The following FBXL13 variants were observed in gnomAD, a reference collection of about 807,000 sequenced individuals.
The protein encoded by FBXL13 is F-box and leucine-rich repeat protein 13.
A neutral mutation model predicts 83.6 loss-of-function variants in FBXL13; 67 were observed. The observed-to-expected ratio is 0.80, with a 90% confidence interval of 0.66 to 0.98. The LOEUF (loss-of-function observed/expected upper bound fraction) is 0.98, where lower values mean the gene tolerates loss of function less well. Among genes scored for constraint, FBXL13 ranks in the 50% least tolerant of loss-of-function variants. FBXL13 has a pLI of 0.00. For synonymous variants in FBXL13, 272 were observed against 299.5 expected, an observed-to-expected ratio of 0.91 and a Z score of 0.95; for missense variants, 822 against 866.5, an observed-to-expected ratio of 0.95 and a Z score of 0.64.
chr7:103,036,398 G>A (rs1795071048), intron 2 of FBXL13, among the ~76,000 whole-genome samples: 1 of 152,042 alleles, frequency 6.6e-6, no homozygotes, highest in South Asian at 2.1e-4. Context: ...GCAAAAAGAA[G>A]CCATGTCTTT....
At chr7:102,934,749 T>A in intron 8 of FBXL13, 3 of 1,344,396 alleles carry the variant, frequency 2.2e-6, no homozygotes, top group Non-Finnish European at 3.1e-6. Flanking sequence ...AATCTTATAA[T>A]CCTCCCTACA....
At chr7:102,945,903 T>A (rs929695958) in intron 8 of FBXL13, among the ~76,000 whole-genome samples, 10 of 152,040 alleles carry the variant, frequency 6.6e-5, no homozygotes, top group Non-Finnish European at 1.2e-4. Context: ...TTTTCTGAGA[T>A]AAGAGTCTTG....
intron 6 of FBXL13, chr7:102,973,717 T>C (rs754784647): frequency 3.5e-5 from 27 of 766,360 alleles, no homozygotes; most frequent in Non-Finnish European, 6.0e-5. Flanking sequence ...AGGAAGCTCC[T>C]CAGCCTCCAG....
At chr7:102,917,593 T>C (rs1816157301) in intron 10 of FBXL13, among the ~76,000 whole-genome samples, 1 of 152,180 alleles carries the variant, frequency 6.6e-6, no homozygotes, top group African/African-American at 2.4e-5. Context: ...ATGTGAAGCA[T>C]GCAGCAATCA....
intron 6 of FBXL13, among the ~76,000 whole-genome samples, chr7:103,023,483 C>T (rs751300327): frequency 9.9e-5 from 15 of 152,116 alleles, no homozygotes; most frequent in Admixed American, 2.0e-4. Context: ...CAGATACTGG[C>T]AAGGTTACAG....
At chr7:102,902,431 G>A (rs775110625) in intron 11 of FBXL13, among the ~76,000 whole-genome samples, 19 of 151,932 alleles carry the variant, frequency 1.3e-4, no homozygotes, top group Non-Finnish European at 2.2e-4. Flanking sequence ...GAAGCTTTTC[G>A]ACTTCATGTG....
chr7:102,995,630 T>C (rs1161423061), intron 6 of FBXL13, among the ~76,000 whole-genome samples: 1 of 148,698 alleles, frequency 6.7e-6, no homozygotes, highest in East Asian at 2.0e-4. Context: ...CTACTAAGAA[T>C]ACAAAAATTA....
At chr7:103,053,556 T>C (rs150626702) in intron 2 of FBXL13, among the ~76,000 whole-genome samples, 2 of 152,302 alleles carry the variant, frequency 1.3e-5, no homozygotes, top group East Asian at 3.9e-4. Flanking sequence ...GACAATAGGG[T>C]TTACCACGCT....
At chr7:102,944,799 C>A in intron 8 of FBXL13, 1 of 529,114 alleles carries the variant, frequency 1.9e-6, no homozygotes, top group Non-Finnish European at 3.2e-6. Flanking sequence ...CTTGCCTGTC[C>A]ATTTGTGGAA....
chr7:102,855,831 G>GTT (rs562482295), intron 16 of FBXL13, among the ~76,000 whole-genome samples: 1 of 148,080 alleles, frequency 6.8e-6, no homozygotes, highest in African/African-American at 2.5e-5. Flanking sequence ...ATTATATCTT[G>GTT]TTTTTTTTGT....
At chr7:103,002,529 T>G (rs1004841167) in intron 6 of FBXL13, among the ~76,000 whole-genome samples, 21 of 152,256 alleles carry the variant, frequency 1.4e-4, no homozygotes, top group African/African-American at 5.1e-4. Flanking sequence ...GTTTTCTTTT[T>G]GCACATTAGT....
intron 17 of FBXL13, among the ~76,000 whole-genome samples, chr7:102,834,093 A>G (rs1475801866): frequency 0.021 from 1,816 of 85,808 alleles, 41 homozygotes; most frequent in African/African-American, 0.038. Context: ...AAGAAAAGAA[A>G]GAAAGAAAGA....
At chr7:102,933,708 T>C (rs1157625981) in intron 8 of FBXL13, 1 of 442,274 alleles carries the variant, frequency 2.3e-6, no homozygotes. Flanking sequence ...AGTCTGTTCT[T>C]ATCTGTCAGT....
chr7:102,835,571 A>AATTTTTAT (rs1801737997), intron 17 of FBXL13, among the ~76,000 whole-genome samples: 1 of 150,876 alleles, frequency 6.6e-6, no homozygotes, highest in Non-Finnish European at 1.5e-5. Flanking sequence ...ATAATACAAG[A>AATTTTTAT]ATTTTTATGT....
At chr7:102,955,512 A>G (rs563529895) in intron 8 of FBXL13, among the ~76,000 whole-genome samples, 3 of 152,200 alleles carry the variant, frequency 2.0e-5, no homozygotes, top group Admixed American at 2.0e-4. Flanking sequence ...AAAAGCTAGC[A>G]GAAGGCAAGA....
At chr7:102,855,797 C>T (rs1805960876) in intron 16 of FBXL13, among the ~76,000 whole-genome samples, 1 of 151,460 alleles carries the variant, frequency 6.6e-6, no homozygotes, top group Non-Finnish European at 1.5e-5. Context: ...ATTTGGACCA[C>T]AATTTAAAAT....
intron 6 of FBXL13, among the ~76,000 whole-genome samples, chr7:102,983,491 C>T (rs1392768902): frequency 6.7e-6 from 1 of 148,626 alleles, no homozygotes; most frequent in Non-Finnish European, 1.5e-5. Context: ...GTGATATCAG[C>T]TCACAGAAAA....
intron 6 of FBXL13, among the ~76,000 whole-genome samples, chr7:102,970,149 G>T (rs1180654148): frequency 6.6e-6 from 1 of 152,052 alleles, no homozygotes; most frequent in Non-Finnish European, 1.5e-5. Context: ...TACTCTAGAG[G>T]CTGAGACGGG....
chr7:103,048,404 T>G (rs1032885746), intron 2 of FBXL13, among the ~76,000 whole-genome samples: 1 of 151,642 alleles, frequency 6.6e-6, no homozygotes, highest in Non-Finnish European at 1.5e-5. Context: ...CTTTCTTTTT[T>G]TTTTTTTTGA....
Sources: gnomAD v4.1 joint callset for allele counts (sites outside exome capture counted in the v4.1 genomes callset) on GRCh38, gnomAD v4.1.1 for gene constraint, MANE v1.5 for transcripts, NCBI Gene and HGNC (gene_info 2026-07-23, HGNC 2026-07-21) for gene names.